Variants in CLVS1 observed in about 807,000 individuals in gnomAD.
CLVS1 encodes clavesin-1.
In CLVS1, 10 loss-of-function variants were observed where a neutral mutation model predicts 33.1. The ratio of observed to expected loss-of-function variants is 0.30; its 90% CI spans 0.19 to 0.51. The LOEUF (loss-of-function observed/expected upper bound fraction) is 0.51. Ranked by LOEUF, CLVS1 falls within the 20% of genes least tolerant of loss-of-function variation. The probability of loss-of-function intolerance (pLI) is 0.97; values close to 1 mark genes in which losing one functional copy is unlikely to be tolerated. For missense variants in CLVS1, 343 were observed against 433.4 expected, an observed-to-expected ratio of 0.79 and a Z score of 1.85; for synonymous variants, 163 against 166.1, an observed-to-expected ratio of 0.98 and a Z score of 0.14.
chr8:61,304,511 C>T (rs534064770), intron 2 of CLVS1, among the ~76,000 whole-genome samples: 1 of 152,292 alleles, frequency 6.6e-6, no homozygotes, highest in South Asian at 2.1e-4. Flanking sequence ...CTTGGCCCTC[C>T]CAGAGTGAGC....
At chr8:61,347,682 A>C (rs913379757) in intron 2 of CLVS1, among the ~76,000 whole-genome samples, 4 of 100,836 alleles carry the variant, frequency 4.0e-5, no homozygotes, top group Admixed American at 1.1e-4. Flanking sequence ...ATATATATAT[A>C]TCCTGAAGTA....
At chr8:60,985,943 G>A in the CLVS1 span, among the ~76,000 whole-genome samples, 1 of 152,182 alleles carries the variant, frequency 6.6e-6, no homozygotes, top group South Asian at 2.1e-4. Flanking sequence ...TTGAACTGTC[G>A]ACACAGGACA....
chr8:61,270,609 C>T (rs1382659774), intron 2 of CLVS1, among the ~76,000 whole-genome samples: 4 of 152,088 alleles, frequency 2.6e-5, no homozygotes, highest in Non-Finnish European at 5.9e-5. Flanking sequence ...CTCCTTGTAC[C>T]TCTGGTAGAA....
At chr8:61,207,021 C>A (rs923741850) in intron 2 of CLVS1, among the ~76,000 whole-genome samples, 1 of 152,220 alleles carries the variant, frequency 6.6e-6, no homozygotes, top group African/African-American at 2.4e-5. Flanking sequence ...CTCTATCAGT[C>A]AGGAGACATT....
chr8:61,454,913 C>T (rs543132732), intron 4 of CLVS1, among the ~76,000 whole-genome samples: 1 of 152,324 alleles, frequency 6.6e-6, no homozygotes, highest in African/African-American at 2.4e-5. Flanking sequence ...ACCCACATCA[C>T]AGAGTTGTTG....
chr8:61,138,871 CA>C (rs1001342189), intron 2 of CLVS1, among the ~76,000 whole-genome samples: 1 of 152,234 alleles, frequency 6.6e-6, no homozygotes, highest in Non-Finnish European at 1.5e-5. Context: ...TTTGTACTAC[CA>C]GGTGTTGGCT....
At chr8:60,997,237 C>T in the CLVS1 span, among the ~76,000 whole-genome samples, 33 of 152,022 alleles carry the variant, frequency 2.2e-4, no homozygotes, top group South Asian at 1.9e-3. Context: ...AAGGAAGGAG[C>T]GAAAACTCGG....
intron 1 of CLVS1, among the ~76,000 whole-genome samples, chr8:61,070,127 C>G (rs987613943): frequency 6.6e-6 from 1 of 152,158 alleles, no homozygotes; most frequent in Non-Finnish European, 1.5e-5. Flanking sequence ...CCTTTTATCT[C>G]CCCTTGGCTG....
the CLVS1 span, among the ~76,000 whole-genome samples, chr8:61,035,056 TATC>T: frequency 3.3e-5 from 5 of 152,204 alleles, no homozygotes; most frequent in African/African-American, 1.2e-4. Flanking sequence ...AAAATTAGCT[TATC>T]ATATGTTTTT....
At chr8:60,988,364 C>A in the CLVS1 span, among the ~76,000 whole-genome samples, 2 of 152,068 alleles carry the variant, frequency 1.3e-5, no homozygotes, top group African/African-American at 4.8e-5. Flanking sequence ...GATACTGGTG[C>A]CTGGGACAGC....
intron 2 of CLVS1, among the ~76,000 whole-genome samples, chr8:61,176,966 C>T (rs1439587497): frequency 2.0e-5 from 3 of 152,154 alleles, no homozygotes; most frequent in Non-Finnish European, 4.4e-5. Context: ...GTGGCCAGCA[C>T]CACAGCCCAG....
chr8:61,338,016 A>G (rs1306525211), intron 2 of CLVS1, among the ~76,000 whole-genome samples: 1 of 152,358 alleles, frequency 6.6e-6, no homozygotes, highest in East Asian at 1.9e-4. Context: ...CCAGACAGGT[A>G]ACCTGCAGAA....
At chr8:61,419,418 A>G (rs1052075555) in intron 3 of CLVS1, among the ~76,000 whole-genome samples, 1 of 149,100 alleles carries the variant, frequency 6.7e-6, no homozygotes, top group Non-Finnish European at 1.5e-5. Context: ...AAAAAAAAAT[A>G]TTTAAAAGGT....
intron 2 of CLVS1, among the ~76,000 whole-genome samples, chr8:61,154,052 A>G (rs1479214442): frequency 1.3e-5 from 2 of 152,200 alleles, no homozygotes; most frequent in Non-Finnish European, 2.9e-5. Flanking sequence ...CTTCTTCCCC[A>G]CAAAGAAGAG....
chr8:61,402,446 T>C (rs533637241), intron 3 of CLVS1, among the ~76,000 whole-genome samples: 30 of 152,208 alleles, frequency 2.0e-4, no homozygotes, highest in African/African-American at 7.2e-4. Context: ...TGGCAGGACA[T>C]ATGTTAAGTA....
At chr8:61,210,260 C>T (rs1807943560) in intron 2 of CLVS1, among the ~76,000 whole-genome samples, 1 of 152,192 alleles carries the variant, frequency 6.6e-6, no homozygotes. Flanking sequence ...GAGTACTCTC[C>T]TATTTCTCCC....
At chr8:61,129,742 C>G (rs1480452522) in intron 1 of CLVS1, among the ~76,000 whole-genome samples, 1 of 152,174 alleles carries the variant, frequency 6.6e-6, no homozygotes, top group African/African-American at 2.4e-5. Context: ...AGGCTTTGCC[C>G]TGTGATCTGG....
chr8:61,032,987 AGG>A, the CLVS1 span, among the ~76,000 whole-genome samples: 1,773 of 85,524 alleles, frequency 0.021, 27 homozygotes, highest in African/African-American at 0.046. Flanking sequence ...GAAGGAAGGA[AGG>A]AAGGAAAGAA....
intron 1 of CLVS1, among the ~76,000 whole-genome samples, chr8:61,297,328 G>C (rs1289984728): frequency 6.6e-6 from 1 of 152,148 alleles, no homozygotes; most frequent in Non-Finnish European, 1.5e-5. Flanking sequence ...TAGGGAGAAT[G>C]TCACAGGACT....
Sources: allele counts gnomAD v4.1 joint callset (sites outside exome capture counted in the v4.1 genomes callset), GRCh38; gene constraint gnomAD v4.1.1; transcripts MANE v1.5; gene names NCBI Gene and HGNC (gene_info 2026-07-23, HGNC 2026-07-21).